Variants in PTPN4 observed in about 807,000 individuals in gnomAD.
PTPN4 encodes the protein protein tyrosine phosphatase non-receptor type 4.
Under a neutral mutation model 135.5 loss-of-function variants are expected in PTPN4, and 49 were observed. That is an observed-to-expected ratio of 0.36 (90% CI 0.29 to 0.46). PTPN4 has a LOEUF of 0.46. Among genes scored for constraint, PTPN4 ranks in the 20% least tolerant of loss-of-function variants. The pLI, the probability that PTPN4 is intolerant of heterozygous loss-of-function variation, is 1.00. For missense variants in PTPN4, 860 were observed against 1,101.0 expected (o/e 0.78, Z 3.10); for synonymous variants, 333 against 369.9 (o/e 0.90, Z 1.14).
At chr2:119,790,153 G>A (rs546285139) in intron 1 of PTPN4, among the ~76,000 whole-genome samples, 1 of 152,016 alleles carries the variant, frequency 6.6e-6, no homozygotes, top group Non-Finnish European at 1.5e-5. Context: ...TTTGGAGAAT[G>A]TACCATGTGC....
chr2:119,784,531 C>T (rs985502616), intron 1 of PTPN4, among the ~76,000 whole-genome samples: 100 of 151,384 alleles, frequency 6.6e-4, no homozygotes, highest in Non-Finnish European at 1.3e-3. Context: ...GGACTACAGG[C>T]GCCTGCCACC....
chr2:119,942,125 T>C (rs1394675461), intron 15 of PTPN4, among the ~76,000 whole-genome samples: 1 of 152,256 alleles, frequency 6.6e-6, no homozygotes, highest in Non-Finnish European at 1.5e-5. Flanking sequence ...TCCATGAATT[T>C]ATAACTGCTC....
rs1022930500 is a variant in PTPN4 at position 119,940,442 on chromosome 2, A to G, written c.1356-4639A>G. 8.5e-5 allele frequency among the ~76,000 whole-genome samples: 13 copies of G among 152,322 alleles called. 1 individual carries two copies. In the South Asian group the frequency reaches 2.3e-3, roughly 27 times the overall value. On this transcript the variant is annotated intron_variant, in intron 15 of 26. Transcript: ENST00000263708. Reference sequence around the variant, plus strand: ...AATAAGACATGTTCTCTTGATCTACATCTTAGAAAATAAGGGTTTGTTTTT... The same window carrying G: ...AATAAGACATGTTCTCTTGATCTACGTCTTAGAAAATAAGGGTTTGTTTTT...
At chr2:119,799,278 G>A (rs1349117961) in intron 1 of PTPN4, among the ~76,000 whole-genome samples, 2 of 152,166 alleles carry the variant, frequency 1.3e-5, no homozygotes, top group Non-Finnish European at 2.9e-5. Flanking sequence ...TATAAAGCAG[G>A]AACAGTGATT....
At chr2:119,834,903 A>C (rs115845134) in intron 2 of PTPN4, among the ~76,000 whole-genome samples, 133 of 152,328 alleles carry the variant, frequency 8.7e-4, no homozygotes, top group African/African-American at 3.1e-3. Context: ...TTTAGCTATT[A>C]CTATTGTTGT....
intron 15 of PTPN4, among the ~76,000 whole-genome samples, chr2:119,944,443 T>G (rs1679104908): frequency 6.6e-6 from 1 of 152,214 alleles, no homozygotes; most frequent in Non-Finnish European, 1.5e-5. Flanking sequence ...GAAGTTACCT[T>G]TATCATATCT....
chr2:119,908,799 T>C (rs1165239613), intron 10 of PTPN4, among the ~76,000 whole-genome samples: 1 of 152,158 alleles, frequency 6.6e-6, no homozygotes, highest in Non-Finnish European at 1.5e-5. Flanking sequence ...ATTAGCCAAA[T>C]TGTGAATGCA....
At chr2:119,891,756 T>C (rs116718164) in intron 9 of PTPN4, among the ~76,000 whole-genome samples, 6,916 of 152,358 alleles carry the variant, frequency 0.045, 243 homozygotes, top group Admixed American at 0.094. Flanking sequence ...ATAATTTGAA[T>C]TCTTTATTTC....
chr2:119,817,922 G>A (rs1389504578), intron 2 of PTPN4, among the ~76,000 whole-genome samples: 9 of 152,104 alleles, frequency 5.9e-5, no homozygotes, highest in East Asian at 1.9e-4. Context: ...TTTTTGTGGC[G>A]GTTGTGAATG....
rs1403416230 is a variant in PTPN4, at chr2:119,935,128, C to A, written c.1355+170C>A. ...TTGTTCCTGAGAGTTCTTGTTGCCT[C>A]TCCCTCCCCGACCCAGTCACTATGT... On this transcript the variant is annotated intron_variant, in intron 15 of 26. Coordinates refer to ENST00000263708, the MANE Select transcript of PTPN4 (RefSeq NM_002830.4). The A allele has an allele frequency of 5.7e-6, 4 of 706,488 alleles. No homozygotes were observed. In the East Asian group the frequency reaches 1.1e-4, roughly 20 times the overall value. 43.8% of individuals were successfully genotyped at this position (706,488 alleles called of 1,614,324 possible).
At chr2:119,973,940 A>G (rs563451384) in intron 26 of PTPN4, among the ~76,000 whole-genome samples, 5 of 152,012 alleles carry the variant, frequency 3.3e-5, no homozygotes, top group South Asian at 2.1e-4. Flanking sequence ...ATGATATTCT[A>G]ATTCTATCAT....
At chr2:119,790,500 A>G (rs887607851) in intron 1 of PTPN4, among the ~76,000 whole-genome samples, 2 of 152,128 alleles carry the variant, frequency 1.3e-5, no homozygotes, top group Non-Finnish European at 1.5e-5. Flanking sequence ...AATTAGTATT[A>G]GTATAGGTAT....
At chr2:119,921,620 C>CTTT (rs35311873) in intron 12 of PTPN4, among the ~76,000 whole-genome samples, 4 of 144,532 alleles carry the variant, frequency 2.8e-5, no homozygotes, top group East Asian at 2.0e-4. Context: ...CGTTTAACTC[C>CTTT]TTTTTTTTTT....
At chr2:119,955,682 A>C (rs1179879237) in intron 20 of PTPN4, among the ~76,000 whole-genome samples, 1 of 152,176 alleles carries the variant, frequency 6.6e-6, no homozygotes, top group African/African-American at 2.4e-5. Context: ...TCACGCCTGT[A>C]ATCCCAGCAC....
rs576846440 is a variant in PTPN4 at position 119,775,289 on chromosome 2, A to G, written c.-18+14905A>G. On this transcript the variant is annotated intron_variant, in intron 1 of 26. Coordinates refer to ENST00000263708, the MANE Select transcript of PTPN4 (RefSeq NM_002830.4). ...CCCGAGCCTTGATGGGATAAGGTAAATACCAGCTGCCAGTCTATTGGTCAT... is the reference window on the plus strand; with the variant it reads ...CCCGAGCCTTGATGGGATAAGGTAAGTACCAGCTGCCAGTCTATTGGTCAT... Among the ~76,000 whole-genome samples the G allele has an allele frequency of 1.5e-3, 223 of 152,220 alleles. 1 individual carries two copies. Among genetic ancestry groups the G allele is most frequent in the African/African-American group, 5.3e-3 (219 of 41,516 alleles).
intron 22 of PTPN4, among the ~76,000 whole-genome samples, chr2:119,959,800 T>C (rs373546305): frequency 1.4e-3 from 215 of 152,242 alleles, no homozygotes; most frequent in African/African-American, 4.5e-3. Context: ...CTTAGGTCAG[T>C]TCAGGTCAGA....
chr2:119,959,482 G>A (rs188042740), intron 22 of PTPN4, among the ~76,000 whole-genome samples: 212 of 152,336 alleles, frequency 1.4e-3, no homozygotes, highest in Non-Finnish European at 2.5e-3. Flanking sequence ...GCGCATTCCT[G>A]TAATCCCAGC....
rs929331466 is a variant in PTPN4, at chr2:119,760,380, C to T, written c.-22C>T. 1.1e-4 allele frequency: 44 copies of T among 389,818 alleles called. No homozygotes were observed. Among genetic ancestry groups the T allele is most frequent in the Admixed American group, 2.2e-4 (5 of 22,408 alleles). 24.1% of individuals were successfully genotyped at this position (389,818 alleles called of 1,614,324 possible). ...GCCGAGAGGACGCGGCTGTGATATA[C>T]GAAGGTAAGAGGTTCTCCGGTCCCC... On this transcript the variant is annotated 5_prime_UTR_variant, in exon 1 of 27. In the 5' UTR this introduces an upstream ATG that the reference lacks. Coordinates refer to ENST00000263708, the MANE Select transcript of PTPN4 (RefSeq NM_002830.4).
Position 119,964,512 on chromosome 2 carries a change from A to G in PTPN4, c.2410-985A>G, listed in dbSNP as rs570306873. 3.6e-3 allele frequency among the ~76,000 whole-genome samples: 552 copies of G among 152,236 alleles called. 3 individuals are homozygous for G. Among genetic ancestry groups the G allele is most frequent in the African/African-American group, 0.013 (530 of 41,538 alleles). On this transcript the variant is annotated intron_variant, in intron 24 of 26. Transcript: ENST00000263708. ...TCCATAATTTCATCTGCATTGTGTGAGGATTAGGTCAGCTTTGTTCACAAA... is the reference window on the plus strand; with the variant it reads ...TCCATAATTTCATCTGCATTGTGTGGGGATTAGGTCAGCTTTGTTCACAAA...
Sources: allele counts gnomAD v4.1 joint callset (sites outside exome capture counted in the v4.1 genomes callset), GRCh38; gene constraint gnomAD v4.1.1; transcripts MANE v1.5; gene names NCBI Gene and HGNC (gene_info 2026-07-23, HGNC 2026-07-21).